GUSB: variants seen among roughly 807,000 people sequenced by gnomAD.
GUSB encodes the protein beta-glucuronidase.
In GUSB, 51 loss-of-function variants were observed where a neutral mutation model predicts 74.6. The observed-to-expected ratio is 0.68, with a 90% CI of 0.55 to 0.86. The LOEUF is 0.86. Among genes scored for constraint, GUSB ranks in the 40% least tolerant of loss-of-function variants. The pLI is 0.00. For missense variants in GUSB, 736 were observed against 853.7 expected (o/e 0.86, Z 1.72); for synonymous variants, 360 against 348.3 (o/e 1.03, Z -0.37).
chr7:65,979,190 C>A (rs1791807704), intron 4 of GUSB, among the ~76,000 whole-genome samples: 1 of 152,144 alleles, frequency 6.6e-6, no homozygotes, highest in Non-Finnish European at 1.5e-5. Flanking sequence ...TTAGGCCAGA[C>A]CCCTCTTCTC....
At chr7:65,980,505 T>G (rs1172407472) in intron 1 of GUSB, 96 bp from the exon 2 acceptor site, 7 of 1,104,812 alleles carry the variant, frequency 6.3e-6, no homozygotes, top group Non-Finnish European at 9.5e-6. Context: ...GCACAAGCCC[T>G]GACACATAGC....
rs2116043500 is a variant in GUSB at position 65,980,400 on chromosome 7, T to G, written c.220A>C (p.Thr74Pro). 1.2e-6 allele frequency: 2 copies of G among 1,613,146 alleles called. No homozygotes were observed. Among genetic ancestry groups the G allele is most frequent in the Non-Finnish European group, 1.7e-6 (2 of 1,179,608 alleles). Residue 74 changes from threonine to proline, a missense_variant, in exon 2 of 12, where the codon ACC becomes CCC. Transcript: ENST00000304895. ...YRRPLWESGP[T>P]VDMPVPSSFN... ...CTGGAGGGAACTGGCATGTCCACGG[T>G]GGGGCCTGACTGTGGAGAGAAGAGC...
Position 65,974,686 on chromosome 7 carries a change from C to T in GUSB, c.1084G>A (p.Asp362Asn), listed in dbSNP as rs398123234. 26 of 1,613,084 alleles carry T rather than the reference C, an allele frequency of 1.6e-5. No homozygotes were observed. Among genetic ancestry groups the T allele is most frequent in the Non-Finnish European group, 1.9e-5 (23 of 1,180,034 alleles). Reference sequence around the variant, plus strand: ...AAGTCCTTCACCAGCAGCGGCCAGTCGAAGCCCTTCCCTCGGATCTAGGAG... The same window carrying T: ...AAGTCCTTCACCAGCAGCGGCCAGTTGAAGCCCTTCCCTCGGATCTAGGAG... The part of the protein sequence containing the change: ...EDADIRGKGF[D>N]WPLLVKDFNL... Residue 362 changes from aspartate (D) to asparagine (N), a missense_variant, in exon 7 of 12, where the codon GAC becomes AAC. Physicochemically the swap from Asp to Asn is conservative, Grantham distance 23. Transcript: ENST00000304895.
chr7:65,980,195 C>A (rs1376492649), intron 2 of GUSB, 29 bp downstream of exon 2: 2 of 1,224,770 alleles, frequency 1.6e-6, no homozygotes, highest in Admixed American at 2.0e-5. Context: ...GCCCCCCCAC[C>A]CGCCCTGCCT....
Position 65,972,919 on chromosome 7 carries a change from C to T in GUSB, c.1391+1376G>A, listed in dbSNP as rs558355462. On this transcript the variant is annotated intron_variant, in intron 8 of 11. Coordinates refer to ENST00000304895, the MANE Select transcript of GUSB (RefSeq NM_000181.4). ...GCTGCAGACTTGGCTCAGCCCAAAG[C>T]ACTGCATGAAATTGGGGTGTGCTGT... Among the ~76,000 whole-genome samples the T allele has an allele frequency of 2.6e-5, 4 of 152,340 alleles. No homozygotes were observed. In the South Asian group the frequency reaches 8.3e-4, roughly 32 times the overall value.
At position 65,982,098 on chromosome 7, in the gene GUSB, T is replaced by C. The variant is rs772729596; in HGVS notation, c.86A>G (p.Tyr29Cys). Residue 29 changes from tyrosine (Y) to cysteine (C), a missense_variant, in exon 1 of 12, where the codon TAC becomes TGC. Physicochemically the swap from Tyr to Cys is radical, Grantham distance 194 (BLOSUM62 -2). Around this residue, in one of 2 missense-constraint regions of GUSB, gnomAD observed 368 missense variants for 363.8 expected, o/e 1.01. Coordinates refer to ENST00000304895, the MANE Select transcript of GUSB (RefSeq NM_000181.4). ...CALGLQGGML[Y>C]PQESPSRECK... ...CTCCCGCGACGGGCTCTCCTGGGGG[T>C]ACAGCATCCCGCCCTGCAGCCCCAG... The C allele has an allele frequency of 3.1e-6, 5 of 1,598,608 alleles. No individual in the cohort carries two copies. The East Asian group carries it at 9.1e-5, about 29-fold the overall frequency.
rs1182500072 is a variant in GUSB, at chr7:65,964,308, C to T, written c.1789+15G>A. On this transcript the variant is annotated intron_variant, in intron 11 of 11. Transcript: ENST00000304895. ...AGGACGGGTACGTTATCCCATGAGC[C>T]AAACTGCCACTTACACTGTTCAGTC... The T allele has an allele frequency of 4.3e-6, 7 of 1,609,204 alleles. No homozygotes were observed. The East Asian group carries it at 8.9e-5, about 20-fold the overall frequency.
At position 65,975,078 on chromosome 7, in the gene GUSB, C is replaced by T. The variant is rs1791479387; in HGVS notation, c.913-7G>A. 1 of 1,612,916 alleles carries T rather than the reference C, an allele frequency of 6.2e-7. No individual in the cohort carries two copies. On this transcript the variant is annotated splice_region_variant and splice_polypyrimidine_tract_variant and intron_variant, in intron 5 of 11. Transcript: ENST00000304895. ...TCTGTGCAGTCAGCTGCACCTATGA[C>T]AGCCAAAGCACCAGGTGTGAGCACC...
Position 65,976,209 on chromosome 7 carries a change from G to C in GUSB, c.725-7C>G. 1 of 1,607,642 alleles carries C rather than the reference G, an allele frequency of 6.2e-7. No individual in the cohort carries two copies. Among genetic ancestry groups the C allele is most frequent in the Non-Finnish European group, 8.5e-7 (1 of 1,176,510 alleles). ...ATCTGGTAATTCACCAGCCCTGCAA[G>C]AAACAAGAGAGACCAGGGCTGAGGG... is the stretch of plus-strand genomic sequence containing the variant. On this transcript the variant is annotated splice_polypyrimidine_tract_variant and splice_region_variant and intron_variant, in intron 4 of 11. Transcript: ENST00000304895.
intron 9 of GUSB, 45 bp from the exon 10 acceptor site, chr7:65,967,952 A>G: frequency 1.3e-6 from 2 of 1,506,368 alleles, no homozygotes; most frequent in Non-Finnish European, 1.8e-6. Context: ...AGTAGACAGC[A>G]TGACTCAGCA....
Position 65,976,218 on chromosome 7 carries a change from G to A in GUSB, c.725-16C>T, listed in dbSNP as rs62470936. ...TTCACCAGCCCTGCAAGAAACAAGA[G>A]AGACCAGGGCTGAGGGAGGGACACG... On this transcript the variant is annotated splice_polypyrimidine_tract_variant and intron_variant, in intron 4 of 11. Coordinates refer to ENST00000304895, the MANE Select transcript of GUSB (RefSeq NM_000181.4). The A allele has an allele frequency of 6.1e-3, 9,732 of 1,600,488 alleles. 45 individuals are homozygous for A. The highest frequency in any genetic ancestry group is 6.8e-3 in the Non-Finnish European group (7,915 of 1,170,902).
chr7:65,974,879 C>G, intron 6 of GUSB, 40 bp downstream of exon 6: 1 of 1,607,324 alleles, frequency 6.2e-7, no homozygotes, highest in South Asian at 1.1e-5. Flanking sequence ...GGAGGGTGAC[C>G]AGAAGCAGCC....
chr7:65,967,766 C>T lies in GUSB; in HGVS notation c.1618G>A (p.Glu540Lys). 2 of 1,613,752 alleles carry T rather than the reference C, an allele frequency of 1.2e-6. No homozygotes were observed. The highest frequency in any genetic ancestry group is 1.7e-6 in the Non-Finnish European group (2 of 1,179,946). Residue 540 changes from glutamate to lysine, a missense_variant, in exon 10 of 12, where the codon GAG (glutamate) becomes AAG (lysine). This residue lies in a region of GUSB where 368 missense variants were observed against 489.9 expected (regional missense o/e 0.75). Transcript: ENST00000304895. ...KKYQKPIIQS[E>K]YGAETIAGFH... ...CCTGCAATCGTTTCTGCTCCATACT[C>T]GCTCTGAATAATGGGCTTCTGATAC...
intron 1 of GUSB, among the ~76,000 whole-genome samples, chr7:65,981,514 G>A (rs542111321): frequency 3.4e-4 from 52 of 151,748 alleles, no homozygotes; most frequent in African/African-American, 1.2e-3. Flanking sequence ...TGGGATTACA[G>A]GTGTGAGCCA....
chr7:65,965,112 T>C (rs1213174828), intron 10 of GUSB, among the ~76,000 whole-genome samples: 1 of 151,126 alleles, frequency 6.6e-6, no homozygotes, highest in Non-Finnish European at 1.5e-5. Flanking sequence ...TAAATTAAAC[T>C]CAACCAAACC....
At chr7:65,974,252 G>A in intron 8 of GUSB, 43 bp downstream of exon 8, 1 of 1,606,158 alleles carries the variant, frequency 6.2e-7, no homozygotes, top group African/African-American at 1.3e-5. Flanking sequence ...ACCTGCCAGG[G>A]TCTCCTTCCC....
intron 2 of GUSB, 39 bp downstream of exon 2, chr7:65,980,185 G>GGGGGGGCCCCCCCCC: frequency 5.5e-6 from 4 of 725,274 alleles, no homozygotes; most frequent in Non-Finnish European, 9.7e-6. Context: ...CAGCAGCCGT[G>GGGGGGGCCCCCCCCC]CCCCCCCACC....
At position 65,964,333 on chromosome 7, in the gene GUSB, C is replaced by T. The variant is rs564360146; in HGVS notation, c.1779G>A (p.Met593Ile). ...GELIWNFADF[M>I]TEQSPTRVLG... ...CAAACTGCCACTTACACTGTTCAGT[C>T]ATGAAATCGGCAAAATTCCAAATGA... Residue 593 changes from methionine (M) to isoleucine (I), a missense_variant, in exon 11 of 12, where the codon ATG becomes ATA. By Grantham distance (10) the Met-to-Ile change is conservative. Transcript: ENST00000304895. 1.2e-6 allele frequency: 2 copies of T among 1,611,994 alleles called. No homozygotes were observed. The highest frequency in any genetic ancestry group is 2.7e-5 in the African/African-American group (2 of 74,978).
Position 65,960,943 on chromosome 7 carries a change from T to C in GUSB, c.1910A>G (p.His637Arg). The C allele has an allele frequency of 6.2e-7, 1 of 1,613,986 alleles. No individual in the cohort carries two copies. Among genetic ancestry groups the C allele is most frequent in the Admixed American group, 1.7e-5 (1 of 59,986 alleles). The change falls in exon 12 of 12, where the codon CAC (histidine) becomes CGC (arginine). Residue 637 changes from histidine (H) to arginine (R), a missense_variant. Transcript: ENST00000304895. Reference sequence around the variant, plus strand: ...CAAACATTGTGACTTGGCTACTGAGTGGGGATACCTGGTTTCATTGGCAAT... The same window carrying C: ...CAAACATTGTGACTTGGCTACTGAGCGGGGATACCTGGTTTCATTGGCAAT... ...WKIANETRYP[H>R]SVAKSQCLEN...
Sources: allele counts gnomAD v4.1 joint callset (sites outside exome capture counted in the v4.1 genomes callset), GRCh38; gene constraint gnomAD v4.1.1; regional missense constraint gnomAD v4.1.1; transcripts MANE v1.5; gene names NCBI Gene and HGNC (gene_info 2026-07-23, HGNC 2026-07-21).